The following KHDRBS2 variants were observed in gnomAD, a reference collection of about 807,000 sequenced individuals.
The protein encoded by KHDRBS2 is KH RNA binding domain containing, signal transduction associated 2.
Under a neutral mutation model 44.3 loss-of-function variants are expected in KHDRBS2, and 26 were observed. The observed-to-expected ratio is 0.59, with a 90% CI of 0.43 to 0.81. The LOEUF (loss-of-function observed/expected upper bound fraction) is 0.81, where lower values mean the gene tolerates loss of function less well. KHDRBS2 is among the 40% of genes least tolerant of loss of function. The pLI, the probability that KHDRBS2 is intolerant of heterozygous loss-of-function variation, is 0.00. For synonymous variants in KHDRBS2, 194 were observed against 151.1 expected, an observed-to-expected ratio of 1.28 and a Z score of -2.08; for missense variants, 476 against 433.1, an observed-to-expected ratio of 1.10 and a Z score of -0.88.
the KHDRBS2 span, among the ~76,000 whole-genome samples, chr6:61,661,548 A>T: frequency 3.9e-5 from 6 of 152,012 alleles, no homozygotes; most frequent in Non-Finnish European, 7.4e-5. Flanking sequence ...AGGGCTTTTT[A>T]TATTATGTGT....
chr6:61,773,385 T>C (rs1223495073), intron 6 of KHDRBS2, among the ~76,000 whole-genome samples: 2 of 151,894 alleles, frequency 1.3e-5, no homozygotes, highest in Non-Finnish European at 2.9e-5. Flanking sequence ...ATTTCTCTGA[T>C]GGCCAGTGAT....
the KHDRBS2 span, among the ~76,000 whole-genome samples, chr6:61,582,242 C>T: frequency 2.0e-5 from 3 of 151,338 alleles, no homozygotes; most frequent in Non-Finnish European, 4.4e-5. Flanking sequence ...AAATAAGAAG[C>T]AGTAAATAGT....
At chr6:62,121,598 C>G (rs1293839429) in intron 2 of KHDRBS2, among the ~76,000 whole-genome samples, 20 of 152,236 alleles carry the variant, frequency 1.3e-4, no homozygotes, top group Admixed American at 1.3e-3. Flanking sequence ...CAGAAGTAAT[C>G]TGCCTTCAGC....
At chr6:61,861,199 CAGAA>C (rs1251360198) in intron 6 of KHDRBS2, among the ~76,000 whole-genome samples, 12 of 152,104 alleles carry the variant, frequency 7.9e-5, no homozygotes, top group Non-Finnish European at 1.8e-4. Context: ...TTTTGCTGTG[CAGAA>C]GCTCTTTAGT....
At chr6:61,610,663 A>G in the KHDRBS2 span, among the ~76,000 whole-genome samples, 1 of 152,200 alleles carries the variant, frequency 6.6e-6, no homozygotes, top group Admixed American at 6.5e-5. Flanking sequence ...CTCTCCCTAG[A>G]GCAAGCAATC....
chr6:61,684,847 C>CT (rs1766652900), intron 8 of KHDRBS2, among the ~76,000 whole-genome samples: 3 of 151,448 alleles, frequency 2.0e-5, no homozygotes, highest in African/African-American at 7.3e-5. Flanking sequence ...AATTGCCACC[C>CT]TTTTTTGGCT....
chr6:62,154,955 G>A (rs1452638168), intron 2 of KHDRBS2, among the ~76,000 whole-genome samples: 1 of 152,158 alleles, frequency 6.6e-6, no homozygotes, highest in Non-Finnish European at 1.5e-5. Context: ...AAATACTGAA[G>A]GGTCTTCCAC....
intron 4 of KHDRBS2, among the ~76,000 whole-genome samples, chr6:61,930,400 A>T (rs1399610557): frequency 6.6e-6 from 1 of 151,960 alleles, no homozygotes; most frequent in Non-Finnish European, 1.5e-5. Flanking sequence ...AGAAAGAACT[A>T]GTTCTCATAA....
At chr6:61,670,034 G>T in the KHDRBS2 span, among the ~76,000 whole-genome samples, 3 of 151,232 alleles carry the variant, frequency 2.0e-5, no homozygotes, top group East Asian at 5.9e-4. Context: ...GAAAGACAAA[G>T]AAATAGAAAA....
At chr6:61,617,254 C>T in the KHDRBS2 span, among the ~76,000 whole-genome samples, 2 of 152,120 alleles carry the variant, frequency 1.3e-5, no homozygotes, top group East Asian at 3.9e-4. Flanking sequence ...GTCTCTACAC[C>T]TAGAATTTAA....
intron 8 of KHDRBS2, among the ~76,000 whole-genome samples, chr6:61,681,439 A>T (rs995757596): frequency 6.6e-6 from 1 of 151,942 alleles, no homozygotes; most frequent in African/African-American, 2.4e-5. Flanking sequence ...AAGATAACTA[A>T]CACCTGCTCT....
chr6:62,139,364 AAC>A (rs1403417673), intron 2 of KHDRBS2, among the ~76,000 whole-genome samples: 1 of 151,998 alleles, frequency 6.6e-6, no homozygotes, highest in Non-Finnish European at 1.5e-5. Context: ...CATCCTGGCT[AAC>A]ACAGTGCAAC....
intron 6 of KHDRBS2, among the ~76,000 whole-genome samples, chr6:61,864,105 C>T (rs970373815): frequency 4.6e-5 from 7 of 152,046 alleles, no homozygotes; most frequent in African/African-American, 1.2e-4. Flanking sequence ...ACTGGGATTG[C>T]GATCCCTCTT....
intron 8 of KHDRBS2, among the ~76,000 whole-genome samples, chr6:61,688,180 A>G (rs1767020297): frequency 6.6e-6 from 1 of 151,910 alleles, no homozygotes; most frequent in Admixed American, 6.6e-5. Context: ...ACATTTTTAA[A>G]TAAGTGTGTG....
At chr6:62,184,524 A>T (rs1823031342) in intron 1 of KHDRBS2, among the ~76,000 whole-genome samples, 1 of 151,914 alleles carries the variant, frequency 6.6e-6, no homozygotes, top group Middle Eastern at 3.4e-3. Context: ...AAGAATGTAA[A>T]AATTGAGGAG....
chr6:62,133,437 C>T (rs1455131964), intron 2 of KHDRBS2, among the ~76,000 whole-genome samples: 2 of 152,176 alleles, frequency 1.3e-5, no homozygotes, highest in Non-Finnish European at 2.9e-5. Flanking sequence ...GATTGTGAGG[C>T]CTCTCCAGTA....
At chr6:62,105,618 G>C (rs1803028426) in intron 2 of KHDRBS2, among the ~76,000 whole-genome samples, 2 of 152,108 alleles carry the variant, frequency 1.3e-5, no homozygotes, top group African/African-American at 2.4e-5. Context: ...GGGATTGGTG[G>C]TGATATCCCC....
chr6:61,820,082 C>G (rs549258868), intron 6 of KHDRBS2, among the ~76,000 whole-genome samples: 1 of 152,004 alleles, frequency 6.6e-6, no homozygotes, highest in Non-Finnish European at 1.5e-5. Flanking sequence ...GTTTCAAGAA[C>G]CTTGCTCTCA....
At chr6:61,817,447 G>A (rs1205388778) in intron 6 of KHDRBS2, among the ~76,000 whole-genome samples, 1 of 152,028 alleles carries the variant, frequency 6.6e-6, no homozygotes, top group Non-Finnish European at 1.5e-5. Context: ...AATACTCACA[G>A]TGTGCTACAT....
Sources: gnomAD v4.1 joint callset for allele counts (sites outside exome capture counted in the v4.1 genomes callset) on GRCh38, gnomAD v4.1.1 for gene constraint, MANE v1.5 for transcripts, NCBI Gene and HGNC (gene_info 2026-07-23, HGNC 2026-07-21) for gene names.